The following FER variants were observed in gnomAD, a reference collection of about 807,000 sequenced individuals.
FER encodes tyrosine-protein kinase Fer.
Under a neutral mutation model 111.0 loss-of-function variants are expected in FER, and 63 were observed. The observed-to-expected ratio is 0.57, with a 90% confidence interval of 0.46 to 0.70. The LOEUF is 0.70. FER is among the 30% of genes least tolerant of loss of function. FER has a pLI of 0.00. For missense variants in FER, 914 were observed against 954.0 expected, an observed-to-expected ratio of 0.96 and a Z score of 0.55; for synonymous variants, 327 against 313.9, an observed-to-expected ratio of 1.04 and a Z score of -0.44.
intron 17 of FER, among the ~76,000 whole-genome samples, chr5:109,162,050 C>G (rs1413652085): frequency 6.6e-6 from 1 of 151,968 alleles, no homozygotes; most frequent in African/African-American, 2.4e-5. Context: ...TGTATGTTGT[C>G]TTTTGAAAAG....
intron 17 of FER, among the ~76,000 whole-genome samples, chr5:109,114,436 C>T (rs944856324): frequency 7.9e-5 from 12 of 151,906 alleles, no homozygotes; most frequent in Admixed American, 7.2e-4. Context: ...ATATCAAGAC[C>T]TCATTGCTTA....
In FER at chr5:109,144,174, C is replaced by T. The variant is rs142221292; in HGVS notation, c.2049-36573C>T. On this transcript the variant is annotated intron_variant, in intron 17 of 19. Coordinates refer to ENST00000281092, the MANE Select transcript of FER (RefSeq NM_005246.4). Reference sequence around the variant, plus strand: ...TGGACTCTGAATCCCGACTTCCCTGCTCATTTTATCCTTCATATTCTTCCT... The same window carrying T: ...TGGACTCTGAATCCCGACTTCCCTGTTCATTTTATCCTTCATATTCTTCCT... Among the ~76,000 whole-genome samples the T allele has an allele frequency of 6.3e-4, 96 of 152,194 alleles. 2 individuals are homozygous for T. Among genetic ancestry groups the T allele is most frequent in the African/African-American group, 2.1e-3 (86 of 41,562 alleles).
chr5:109,112,885 A>G (rs1211540019), intron 17 of FER, among the ~76,000 whole-genome samples: 1 of 152,128 alleles, frequency 6.6e-6, no homozygotes, highest in East Asian at 1.9e-4. Context: ...ATCCTACTGA[A>G]GAAGAGTAGA....
At chr5:108,881,708 G>C (rs1303650126) in intron 8 of FER, among the ~76,000 whole-genome samples, 7 of 152,090 alleles carry the variant, frequency 4.6e-5, no homozygotes, top group African/African-American at 1.7e-4. Context: ...TGTGTCCTCA[G>C]ATGACCCTTT....
chr5:109,157,997 T>G (rs1017515090), intron 17 of FER, among the ~76,000 whole-genome samples: 4 of 152,026 alleles, frequency 2.6e-5, no homozygotes, highest in Non-Finnish European at 5.9e-5. Flanking sequence ...TGGAGTTAGG[T>G]TTTGAAGAAT....
intron 16 of FER, among the ~76,000 whole-genome samples, chr5:109,088,504 A>C (rs1372116440): frequency 1.3e-5 from 2 of 152,092 alleles, no homozygotes; most frequent in Non-Finnish European, 2.9e-5. Flanking sequence ...TTAGGTGAAC[A>C]GTATTCCAGA....
At chr5:109,041,260 A>C (rs1300363902) in intron 14 of FER, among the ~76,000 whole-genome samples, 1 of 152,130 alleles carries the variant, frequency 6.6e-6, no homozygotes, top group Non-Finnish European at 1.5e-5. Context: ...TAGATTTGCT[A>C]AGGGAGTTTT....
intron 5 of FER, among the ~76,000 whole-genome samples, chr5:108,863,903 GT>G (rs1561530563): frequency 6.6e-6 from 1 of 152,088 alleles, no homozygotes; most frequent in South Asian, 2.1e-4. Flanking sequence ...AGTGATTCAA[GT>G]TTTTTTCTTT....
chr5:108,996,566 G>T (rs769814131), intron 13 of FER, among the ~76,000 whole-genome samples: 2 of 152,138 alleles, frequency 1.3e-5, no homozygotes, highest in African/African-American at 4.8e-5. Context: ...AGATAAGATG[G>T]TTGTAGGTGT....
At chr5:108,872,599 C>T (rs780709000) in intron 8 of FER, among the ~76,000 whole-genome samples, 7 of 152,032 alleles carry the variant, frequency 4.6e-5, no homozygotes, top group Non-Finnish European at 7.4e-5. Context: ...GCACTTAGTA[C>T]AAAAAATTGA....
intron 10 of FER, among the ~76,000 whole-genome samples, chr5:108,913,227 A>AC (rs1751800545): frequency 6.6e-6 from 1 of 152,222 alleles, no homozygotes; most frequent in Non-Finnish European, 1.5e-5. Flanking sequence ...GGCAAAGAGT[A>AC]GGTACTCGAT....
intron 3 of FER, chr5:108,830,764 T>A (rs1361085318): frequency 1.3e-5 from 2 of 152,154 alleles, no homozygotes; most frequent in Non-Finnish European, 2.9e-5. Context: ...GAGAAGGGTG[T>A]CCTCAGATTC....
intron 17 of FER, among the ~76,000 whole-genome samples, chr5:109,105,528 G>A (rs1197043108): frequency 6.6e-6 from 1 of 152,062 alleles, no homozygotes; most frequent in African/African-American, 2.4e-5. Context: ...GTGACGTTTT[G>A]AACCCTTCAT....
At chr5:108,796,880 G>A (rs1035586214) in intron 2 of FER, among the ~76,000 whole-genome samples, 3 of 151,920 alleles carry the variant, frequency 2.0e-5, no homozygotes, top group Non-Finnish European at 2.9e-5. Flanking sequence ...TGTTCGAGAT[G>A]GTACCTAAGG....
At chr5:109,037,105 A>G (rs1241576612) in intron 13 of FER, among the ~76,000 whole-genome samples, 2 of 152,098 alleles carry the variant, frequency 1.3e-5, no homozygotes, top group Non-Finnish European at 1.5e-5. Flanking sequence ...GCTTTTTGAA[A>G]TGACAAATAA....
chr5:108,894,059 T>G (rs10079165), intron 9 of FER, among the ~76,000 whole-genome samples: 71,606 of 150,864 alleles, frequency 0.47, 20,509 homozygotes, highest in African/African-American at 0.81. Context: ...ATGCTGCCCC[T>G]GAAAGACCTA....
intron 2 of FER, among the ~76,000 whole-genome samples, chr5:108,793,651 G>A (rs889138027): frequency 1.3e-5 from 2 of 151,982 alleles, no homozygotes; most frequent in Admixed American, 1.3e-4. Flanking sequence ...AGTGTTTCAG[G>A]ATTCTCTCTT....
At chr5:108,880,153 T>G (rs1035315106) in intron 8 of FER, among the ~76,000 whole-genome samples, 1 of 152,150 alleles carries the variant, frequency 6.6e-6, no homozygotes, top group Non-Finnish European at 1.5e-5. Flanking sequence ...AGGAATGTGT[T>G]TAATAAACAC....
At chr5:109,025,343 G>A (rs1324103449) in intron 13 of FER, among the ~76,000 whole-genome samples, 1 of 152,134 alleles carries the variant, frequency 6.6e-6, no homozygotes, top group Non-Finnish European at 1.5e-5. Flanking sequence ...CACGTCCCTT[G>A]TAAGTTGGAT....
Sources: allele counts gnomAD v4.1 joint callset (sites outside exome capture counted in the v4.1 genomes callset), GRCh38; gene constraint gnomAD v4.1.1; transcripts MANE v1.5; gene names NCBI Gene and HGNC (gene_info 2026-07-23, HGNC 2026-07-21).